The following SGCD variants were observed in gnomAD, a reference collection of about 807,000 sequenced individuals.
The protein encoded by SGCD is delta-sarcoglycan.
Under a neutral mutation model 36.6 loss-of-function variants are expected in SGCD, and 18 were observed. That is an observed-to-expected ratio of 0.49 (90% CI 0.34 to 0.73). SGCD has a LOEUF of 0.73. Ranked by LOEUF, SGCD falls within the 30% of genes least tolerant of loss-of-function variation. SGCD has a pLI of 0.01. For synonymous variants in SGCD, 133 were observed against 130.6 expected (o/e 1.02, Z -0.12); for missense variants, 387 against 346.7 (o/e 1.12, Z -0.92).
At chr5:156,517,834 G>A (rs1330940992) in intron 4 of SGCD, among the ~76,000 whole-genome samples, 1 of 152,134 alleles carries the variant, frequency 6.6e-6, no homozygotes, top group African/African-American at 2.4e-5. Flanking sequence ...AAGTGCTCCT[G>A]AAGGAAGCAC....
the SGCD span, among the ~76,000 whole-genome samples, chr5:155,739,839 A>C: frequency 6.6e-6 from 1 of 152,132 alleles, no homozygotes. Flanking sequence ...ATATCATCTC[A>C]AGTAGGAAGG....
intron 4 of SGCD, among the ~76,000 whole-genome samples, chr5:156,537,458 GCC>G (rs202000453): frequency 5.4e-5 from 3 of 55,338 alleles, no homozygotes; most frequent in Non-Finnish European, 7.4e-5. Flanking sequence ...GAAGGTAGCA[GCC>G]ACACACACAC....
chr5:156,328,244 G>A lies in SGCD; in HGVS notation c.-44+1012G>A, dbSNP rs74755325. On this transcript the variant is annotated intron_variant, in intron 1 of 8. Transcript: ENST00000337851. Reference sequence around the variant, plus strand: ...GCATTTAGAAAACACACAGTACAATGTCATTGCATTTGAGAGACTGGTTCA... The same window carrying A: ...GCATTTAGAAAACACACAGTACAATATCATTGCATTTGAGAGACTGGTTCA... Among the ~76,000 whole-genome samples the A allele has an allele frequency of 8.6e-3, 1,310 of 152,324 alleles. 21 individuals carry two copies. Among genetic ancestry groups the A allele is most frequent in the African/African-American group, 0.03 (1,232 of 41,554 alleles).
chr5:155,762,261 C>T, the SGCD span, among the ~76,000 whole-genome samples: 1 of 152,034 alleles, frequency 6.6e-6, no homozygotes, highest in Non-Finnish European at 1.5e-5. Flanking sequence ...TGAGCATGTT[C>T]AGACAAATCA....
chr5:156,397,217 A>C (rs1033267612), intron 3 of SGCD, among the ~76,000 whole-genome samples: 1 of 152,098 alleles, frequency 6.6e-6, no homozygotes, highest in African/African-American at 2.4e-5. Flanking sequence ...TTGAAAGAAA[A>C]CTTTTTTTTT....
At chr5:156,558,064 CTG>C (rs1759103968) in intron 4 of SGCD, among the ~76,000 whole-genome samples, 1 of 131,748 alleles carries the variant, frequency 7.6e-6, no homozygotes, top group African/African-American at 2.9e-5. Context: ...AATTAATAGA[CTG>C]AGTGTGTTAT....
chr5:155,921,296 G>C (rs987390653), intron 1 of SGCD, among the ~76,000 whole-genome samples: 1 of 152,158 alleles, frequency 6.6e-6, no homozygotes, highest in East Asian at 1.9e-4. Flanking sequence ...GGCAGAACCA[G>C]ATTTTGTTAG....
intron 3 of SGCD, among the ~76,000 whole-genome samples, chr5:156,377,151 T>TA (rs1770716796): frequency 6.6e-6 from 1 of 152,202 alleles, no homozygotes; most frequent in Non-Finnish European, 1.5e-5. Context: ...ACTTAATACT[T>TA]ACTATTTAAT....
intron 3 of SGCD, among the ~76,000 whole-genome samples, chr5:156,354,688 T>C (rs941430851): frequency 3.3e-5 from 5 of 152,242 alleles, no homozygotes; most frequent in Non-Finnish European, 7.3e-5. Context: ...TTACTGGTCA[T>C]GTTGCTGTGA....
Position 156,054,717 on chromosome 5 carries a change from C to T in SGCD, c.-281-63161C>T, listed in dbSNP as rs1292888099. Reference sequence around the variant, plus strand: ...TCATATACATGTGTATATTCATTATCCCATTTCTTTTCTCTTTCCTAAACT... The same window carrying T: ...TCATATACATGTGTATATTCATTATTCCATTTCTTTTCTCTTTCCTAAACT... On this transcript the variant is annotated intron_variant, in intron 1 of 9. Coordinates refer to the SGCD transcript ENST00000517913. Among the ~76,000 whole-genome samples the T allele has an allele frequency of 1.4e-5, 2 of 146,708 alleles. 1 individual carries two copies. Among genetic ancestry groups the T allele is most frequent in the Non-Finnish European group, 3.1e-5 (2 of 65,078 alleles).
At chr5:155,989,893 A>T (rs984578750) in intron 1 of SGCD, among the ~76,000 whole-genome samples, 2 of 152,242 alleles carry the variant, frequency 1.3e-5, no homozygotes, top group African/African-American at 2.4e-5. Context: ...ATGAAGAACT[A>T]GTTCGACTTA....
At chr5:156,087,068 A>C (rs1458491812) in intron 1 of SGCD, among the ~76,000 whole-genome samples, 1 of 152,226 alleles carries the variant, frequency 6.6e-6, no homozygotes, top group African/African-American at 2.4e-5. Context: ...TTGCATTCCC[A>C]TGCAGAATAT....
chr5:156,718,377 T>C (rs1166377438), intron 7 of SGCD, among the ~76,000 whole-genome samples: 1 of 152,198 alleles, frequency 6.6e-6, no homozygotes, highest in Non-Finnish European at 1.5e-5. Flanking sequence ...GCACTGTAAC[T>C]TGTTGGTTCA....
chr5:155,810,784 T>C, the SGCD span, among the ~76,000 whole-genome samples: 9 of 145,158 alleles, frequency 6.2e-5, no homozygotes, highest in Admixed American at 5.5e-4. Flanking sequence ...TGAGTAATCC[T>C]TTAGTGTCTG....
intron 6 of SGCD, among the ~76,000 whole-genome samples, chr5:156,596,950 A>T (rs539230475): frequency 6.6e-6 from 1 of 152,226 alleles, no homozygotes; most frequent in South Asian, 2.1e-4. Context: ...TCCCAGTCTC[A>T]TCCTGGCCAT....
At chr5:156,348,873 A>C (rs1278583985) in intron 3 of SGCD, among the ~76,000 whole-genome samples, 2 of 152,222 alleles carry the variant, frequency 1.3e-5, no homozygotes, top group African/African-American at 2.4e-5. Context: ...TATAGTAACC[A>C]AAACAGCATA....
chr5:155,919,675 G>A (rs1282946949), intron 1 of SGCD, among the ~76,000 whole-genome samples: 2 of 152,088 alleles, frequency 1.3e-5, no homozygotes, highest in Admixed American at 6.5e-5. Context: ...CAACATCAAG[G>A]ACAAGACCCT....
intron 1 of SGCD, among the ~76,000 whole-genome samples, chr5:155,887,064 G>A (rs111432115): frequency 1.2e-4 from 18 of 152,290 alleles, no homozygotes; most frequent in African/African-American, 4.3e-4. Context: ...GATACTTAAG[G>A]AAGCACACTA....
At chr5:156,341,801 C>T (rs1768670005) in intron 2 of SGCD, among the ~76,000 whole-genome samples, 1 of 152,206 alleles carries the variant, frequency 6.6e-6, no homozygotes, top group South Asian at 2.1e-4. Flanking sequence ...ACCTCCGCCT[C>T]CCGGGTTCAA....
Sources: gnomAD v4.1 joint callset for allele counts (sites outside exome capture counted in the v4.1 genomes callset) on GRCh38, gnomAD v4.1.1 for gene constraint, MANE v1.5 for transcripts, NCBI Gene and HGNC (gene_info 2026-07-23, HGNC 2026-07-21) for gene names.